The following ERC1 variants were observed in gnomAD, a reference collection of about 807,000 sequenced individuals.
The protein encoded by ERC1 is RAB6 interacting protein 2.
A neutral mutation model predicts 132.0 loss-of-function variants in ERC1; 56 were observed. The observed-to-expected ratio is 0.42, with a 90% CI of 0.34 to 0.53. The LOEUF is 0.53. Among genes scored for constraint, ERC1 ranks in the 20% least tolerant of loss-of-function variants. The pLI is 0.03. For missense variants in ERC1, 1,202 were observed against 1,349.9 expected, an observed-to-expected ratio of 0.89 and a Z score of 1.72; for synonymous variants, 478 against 476.1, an observed-to-expected ratio of 1.00 and a Z score of -0.05.
intron 17 of ERC1, among the ~76,000 whole-genome samples, chr12:1,440,971 T>C (rs879597317): frequency 2.6e-5 from 4 of 151,772 alleles, no homozygotes; most frequent in Non-Finnish European, 4.4e-5. Flanking sequence ...AAGTTTTCGA[T>C]TGGACTCTGA....
intron 12 of ERC1, among the ~76,000 whole-genome samples, chr12:1,220,019 C>T (rs1216233303): frequency 6.6e-6 from 1 of 152,130 alleles, no homozygotes; most frequent in East Asian, 1.9e-4. Flanking sequence ...CCCACCACAA[C>T]CTCCCCTTCC....
intron 11 of ERC1, among the ~76,000 whole-genome samples, chr12:1,184,045 A>G (rs1267828607): frequency 6.6e-6 from 1 of 151,810 alleles, no homozygotes; most frequent in Non-Finnish European, 1.5e-5. Flanking sequence ...CTGAGGCAGG[A>G]GAATCACTTG....
At chr12:1,234,614 T>A (rs1314553598) in intron 12 of ERC1, among the ~76,000 whole-genome samples, 1 of 152,154 alleles carries the variant, frequency 6.6e-6, no homozygotes, top group Non-Finnish European at 1.5e-5. Flanking sequence ...GAAATTTCTA[T>A]GAGAAGCGTA....
At chr12:1,082,231 T>A (rs1484219494) in intron 2 of ERC1, among the ~76,000 whole-genome samples, 1 of 152,082 alleles carries the variant, frequency 6.6e-6, no homozygotes, top group Non-Finnish European at 1.5e-5. Flanking sequence ...TTTTACCACG[T>A]TGGCCAGGCT....
At chr12:1,137,966 ATAT>A (rs200200848) in intron 7 of ERC1, among the ~76,000 whole-genome samples, 115 of 130,816 alleles carry the variant, frequency 8.8e-4, no homozygotes, top group African/African-American at 2.6e-3. Flanking sequence ...ATTAGATATA[ATAT>A]TATCATATAT....
intron 15 of ERC1, among the ~76,000 whole-genome samples, chr12:1,317,052 T>C (rs2081790325): frequency 6.6e-6 from 1 of 150,922 alleles, no homozygotes; most frequent in African/African-American, 2.4e-5. Context: ...TCCCAGCTAC[T>C]CAGGAGGCTG....
chr12:1,170,645 C>T (rs2154265695), intron 8 of ERC1, among the ~76,000 whole-genome samples: 1 of 152,288 alleles, frequency 6.6e-6, no homozygotes, highest in Non-Finnish European at 1.5e-5. Context: ...AGGGTTTGAG[C>T]TATTTTCCAT....
chr12:1,149,380 G>A (rs1435462247), intron 8 of ERC1, among the ~76,000 whole-genome samples: 1 of 152,096 alleles, frequency 6.6e-6, no homozygotes, highest in Non-Finnish European at 1.5e-5. Flanking sequence ...TTTTAATACA[G>A]TATCATATAT....
chr12:1,072,767 A>C (rs1251270364), intron 2 of ERC1, among the ~76,000 whole-genome samples: 3 of 152,150 alleles, frequency 2.0e-5, no homozygotes, highest in Admixed American at 2.0e-4. Flanking sequence ...ATCTCGGCTC[A>C]CTGCAAGCTC....
chr12:1,258,286 C>T (rs2076936081), intron 13 of ERC1, among the ~76,000 whole-genome samples: 1 of 152,142 alleles, frequency 6.6e-6, no homozygotes, highest in Non-Finnish European at 1.5e-5. Context: ...TAGATTTCTT[C>T]AGCATTACAG....
At chr12:1,485,018 A>G (rs1385634875) in intron 18 of ERC1, among the ~76,000 whole-genome samples, 1 of 151,000 alleles carries the variant, frequency 6.6e-6, no homozygotes, top group Non-Finnish European at 1.5e-5. Flanking sequence ...GAGCGGCTAG[A>G]ACTAGAGGCA....
chr12:1,332,208 AT>A (rs1370333750), intron 15 of ERC1, among the ~76,000 whole-genome samples: 1 of 152,030 alleles, frequency 6.6e-6, no homozygotes, highest in Non-Finnish European at 1.5e-5. Flanking sequence ...GTACTTTTGA[AT>A]TTTTTTATTT....
At chr12:1,218,108 CA>C (rs1159686737) in intron 12 of ERC1, among the ~76,000 whole-genome samples, 1 of 152,194 alleles carries the variant, frequency 6.6e-6, no homozygotes, top group African/African-American at 2.4e-5. Context: ...CGCCTCCACT[CA>C]AAGTTTCTGG....
intron 17 of ERC1, among the ~76,000 whole-genome samples, chr12:1,418,595 CTTTCTT>C (rs1565395102): frequency 0.036 from 1,350 of 37,404 alleles, 10 homozygotes; most frequent in Middle Eastern, 0.068. Flanking sequence ...CTTTCTCTTT[CTTTCTT>C]TCTTTCTTTC....
At chr12:1,106,808 G>A (rs1945315340) in intron 4 of ERC1, among the ~76,000 whole-genome samples, 1 of 152,130 alleles carries the variant, frequency 6.6e-6, no homozygotes, top group Non-Finnish European at 1.5e-5. Flanking sequence ...GAATGAGGAC[G>A]AGTAATAGTA....
At chr12:1,349,557 G>A (rs574102684) in intron 15 of ERC1, among the ~76,000 whole-genome samples, 2 of 151,742 alleles carry the variant, frequency 1.3e-5, no homozygotes, top group African/African-American at 2.4e-5. Flanking sequence ...CCAGCTACTC[G>A]GGAGGCTGAG....
chr12:1,034,551 G>A lies in ERC1; in HGVS notation c.669+5979G>A, dbSNP rs78525450. On this transcript the variant is annotated intron_variant, in intron 2 of 18. Coordinates refer to ENST00000360905, the MANE Select transcript of ERC1 (RefSeq NM_178040.4). ...AGTATATGTGTGTGTCAGATTATAC[G>A]TGTGTGTGTGTATCAAATTTAGAGT... Among the ~76,000 whole-genome samples the A allele has an allele frequency of 5.3e-4, 80 of 152,004 alleles. No homozygotes were observed. The East Asian group carries it at 0.013, about 25-fold the overall frequency.
intron 2 of ERC1, among the ~76,000 whole-genome samples, chr12:1,082,879 A>G (rs182528022): frequency 6.6e-6 from 1 of 152,166 alleles, no homozygotes; most frequent in Non-Finnish European, 1.5e-5. Context: ...TTCCGTGTTA[A>G]TATCTTCTAT....
intron 8 of ERC1, among the ~76,000 whole-genome samples, chr12:1,155,114 T>G (rs543673898): frequency 2.0e-5 from 3 of 152,106 alleles, no homozygotes; most frequent in South Asian, 4.2e-4. Flanking sequence ...GGTCAGGAGT[T>G]CAAGACAAAC....
Sources: allele counts gnomAD v4.1 joint callset (sites outside exome capture counted in the v4.1 genomes callset), GRCh38; gene constraint gnomAD v4.1.1; transcripts MANE v1.5; gene names NCBI Gene and HGNC (gene_info 2026-07-23, HGNC 2026-07-21).